The following SHLD2 variants were observed in gnomAD, a reference collection of about 807,000 sequenced individuals.
SHLD2 encodes the protein RINN1-REV7-interacting novel NHEJ regulator 2.
A neutral mutation model predicts 73.2 loss-of-function variants in SHLD2; 30 were observed. The ratio of observed to expected loss-of-function variants is 0.41; its 90% CI spans 0.31 to 0.56. SHLD2 has a LOEUF of 0.56. SHLD2 is among the 20% of genes least tolerant of loss of function. SHLD2 has a pLI of 0.28. For synonymous variants in SHLD2, 285 were observed against 370.1 expected, an observed-to-expected ratio of 0.77 and a Z score of 2.64; for missense variants, 745 against 1,055.9, an observed-to-expected ratio of 0.71 and a Z score of 4.08.
intron 4 of SHLD2, among the ~76,000 whole-genome samples, chr10:87,160,313 C>G (rs1846713473): frequency 6.6e-6 from 1 of 151,782 alleles, no homozygotes; most frequent in Non-Finnish European, 1.5e-5. Flanking sequence ...ATGGTGAAAC[C>G]TCATCTCTAC....
At chr10:87,123,568 C>T (rs1376843765) in intron 2 of SHLD2, among the ~76,000 whole-genome samples, 1 of 152,224 alleles carries the variant, frequency 6.6e-6, no homozygotes, top group African/African-American at 2.4e-5. Flanking sequence ...TAAGTACATT[C>T]GCATTGTTAT....
chr10:87,166,028 A>G (rs1471489964), intron 4 of SHLD2, among the ~76,000 whole-genome samples: 2 of 152,128 alleles, frequency 1.3e-5, no homozygotes, highest in Non-Finnish European at 2.9e-5. Flanking sequence ...TTAACTTCAT[A>G]AAGAGTGTCT....
At chr10:87,145,610 G>A (rs1307374898) in intron 2 of SHLD2, among the ~76,000 whole-genome samples, 1 of 151,638 alleles carries the variant, frequency 6.6e-6, no homozygotes, top group Non-Finnish European at 1.5e-5. Context: ...GAGGGGAAAA[G>A]CACTCTCTTT....
At chr10:87,101,610 C>T (rs945557614) in intron 2 of SHLD2, among the ~76,000 whole-genome samples, 3 of 152,218 alleles carry the variant, frequency 2.0e-5, no homozygotes, top group South Asian at 2.1e-4. Flanking sequence ...GTGAATATAT[C>T]GAATTACAAT....
At chr10:87,183,470 G>T (rs1848432157) in intron 8 of SHLD2, among the ~76,000 whole-genome samples, 2 of 151,976 alleles carry the variant, frequency 1.3e-5, no homozygotes, top group Admixed American at 1.3e-4. Flanking sequence ...TCTCATAATG[G>T]ATTATTCTCA....
At chr10:87,123,059 G>A (rs1843736476) in intron 2 of SHLD2, among the ~76,000 whole-genome samples, 1 of 152,192 alleles carries the variant, frequency 6.6e-6, no homozygotes, top group Non-Finnish European at 1.5e-5. Flanking sequence ...TTACAGGCAT[G>A]AGCCACTGCA....
chr10:87,164,750 G>A (rs569095191), intron 4 of SHLD2, among the ~76,000 whole-genome samples: 2 of 152,044 alleles, frequency 1.3e-5, no homozygotes, highest in Non-Finnish European at 2.9e-5. Flanking sequence ...GATAGTATTG[G>A]ATTAGAACCC....
chr10:87,107,485 A>G (rs1259544255), intron 2 of SHLD2, among the ~76,000 whole-genome samples: 4 of 152,226 alleles, frequency 2.6e-5, no homozygotes, highest in Non-Finnish European at 4.4e-5. Context: ...CCTACTTTAT[A>G]TAGGGTGTTC....
Position 87,102,728 on chromosome 10 carries a change from A to T in SHLD2, c.-6+5739A>T, listed in dbSNP as rs147416785. ...CATTTCAAAAAACAAAAAGAAAAAA[A>T]TTTTTAAAAATTGTTTTGAAGAGAT... is the stretch of plus-strand genomic sequence containing the variant. On this transcript the variant is annotated intron_variant, in intron 2 of 9. Transcript: ENST00000298786. Among the ~76,000 whole-genome samples, 1,341 of 152,100 alleles carry T rather than the reference A, an allele frequency of 8.8e-3. 15 individuals are homozygous for T. The highest frequency in any genetic ancestry group is 0.03 in the African/African-American group (1,254 of 41,504).
At chr10:87,189,409 T>A (rs1166428185) in intron 9 of SHLD2, among the ~76,000 whole-genome samples, 1 of 152,272 alleles carries the variant, frequency 6.6e-6, no homozygotes, top group Non-Finnish European at 1.5e-5. Context: ...CAATTAAAGT[T>A]GTACTACTTG....
intron 2 of SHLD2, among the ~76,000 whole-genome samples, chr10:87,132,602 C>T (rs1844506783): frequency 6.6e-6 from 1 of 152,032 alleles, no homozygotes; most frequent in African/African-American, 2.4e-5. Flanking sequence ...TGGTGAAACC[C>T]CATCTCTACA....
intron 2 of SHLD2, among the ~76,000 whole-genome samples, chr10:87,138,871 AC>A (rs1415237199): frequency 2.0e-5 from 3 of 152,084 alleles, no homozygotes; most frequent in Non-Finnish European, 2.9e-5. Context: ...ACTGATATGA[AC>A]CCTACAGGGG....
intron 2 of SHLD2, among the ~76,000 whole-genome samples, chr10:87,109,864 G>A (rs923651661): frequency 3.3e-5 from 5 of 152,098 alleles, no homozygotes; most frequent in Non-Finnish European, 5.9e-5. Context: ...TGTCTTGGCC[G>A]GGTGCAGTGG....
At chr10:87,169,190 A>G (rs1826501930) in intron 4 of SHLD2, among the ~76,000 whole-genome samples, 1 of 152,204 alleles carries the variant, frequency 6.6e-6, no homozygotes, top group Non-Finnish European at 1.5e-5. Context: ...TATCTTGTTC[A>G]TGAAAAACGA....
At chr10:87,130,189 C>A (rs1336476944) in intron 2 of SHLD2, among the ~76,000 whole-genome samples, 1 of 151,990 alleles carries the variant, frequency 6.6e-6, no homozygotes, top group Non-Finnish European at 1.5e-5. Context: ...CTCATTGGTA[C>A]TTGTTGAGTA....
chr10:87,144,670 AGGCT>A (rs1472024867), intron 2 of SHLD2, among the ~76,000 whole-genome samples: 1 of 121,368 alleles, frequency 8.2e-6, no homozygotes, highest in Non-Finnish European at 1.6e-5. Context: ...TTTGTTGCCC[AGGCT>A]GGAATGCAGT....
intron 2 of SHLD2, among the ~76,000 whole-genome samples, chr10:87,106,033 T>C (rs1318514028): frequency 2.0e-5 from 3 of 152,192 alleles, no homozygotes; most frequent in Non-Finnish European, 4.4e-5. Context: ...GACGGAGTCT[T>C]GCTCTTGTTG....
chr10:87,178,639 C>T, intron 7 of SHLD2, among the ~76,000 whole-genome samples: 1 of 151,604 alleles, frequency 6.6e-6, no homozygotes, highest in Non-Finnish European at 1.5e-5. Context: ...TCACTTGTGC[C>T]CAGGGAGGTT....
At chr10:87,132,650 T>C (rs1265165346) in intron 2 of SHLD2, among the ~76,000 whole-genome samples, 2 of 152,040 alleles carry the variant, frequency 1.3e-5, no homozygotes, top group African/African-American at 4.8e-5. Context: ...GGTGCGTGCC[T>C]GTACTCCTAG....
Sources: gnomAD v4.1 joint callset for allele counts (sites outside exome capture counted in the v4.1 genomes callset) on GRCh38, gnomAD v4.1.1 for gene constraint, MANE v1.5 for transcripts, NCBI Gene and HGNC (gene_info 2026-07-23, HGNC 2026-07-21) for gene names.